Variants in ATP8B1 observed in about 807,000 individuals in gnomAD.
The protein encoded by ATP8B1 is phospholipid-transporting ATPase IC.
A neutral mutation model predicts 149.9 loss-of-function variants in ATP8B1; 80 were observed. That is an observed-to-expected ratio of 0.53 (90% CI 0.45 to 0.64). ATP8B1 has a LOEUF of 0.64. Among genes scored for constraint, ATP8B1 ranks in the 30% least tolerant of loss-of-function variants. The probability of loss-of-function intolerance (pLI) is 0.00; values close to 1 mark genes in which losing one functional copy is unlikely to be tolerated. For synonymous variants in ATP8B1, 536 were observed against 562.8 expected, an observed-to-expected ratio of 0.95 and a Z score of 0.67; for missense variants, 1,247 against 1,552.6, an observed-to-expected ratio of 0.80 and a Z score of 3.31.
intron 20 of ATP8B1, among the ~76,000 whole-genome samples, chr18:57,666,743 C>T (rs1307372465): frequency 1.3e-5 from 2 of 152,080 alleles, no homozygotes; most frequent in African/African-American, 4.8e-5. Flanking sequence ...ACCATGTTGG[C>T]CAGGCTGCTC....
At chr18:57,696,680 G>A (rs192143438) in intron 8 of ATP8B1, among the ~76,000 whole-genome samples, 17 of 152,262 alleles carry the variant, frequency 1.1e-4, no homozygotes, top group African/African-American at 3.9e-4. Context: ...AGCGTGAGGC[G>A]CGAGGAGCAG....
At chr18:57,756,305 A>ATATATATATATATATATATATATATATG (rs374550138) in intron 1 of ATP8B1, among the ~76,000 whole-genome samples, 50 of 106,104 alleles carry the variant, frequency 4.7e-4, no homozygotes, top group African/African-American at 1.8e-3. Context: ...GTGTATGTAT[A>ATATATATATATATATATATATATATATG]TATATATATA....
At chr18:57,718,955 A>T (rs2079610802) in intron 2 of ATP8B1, among the ~76,000 whole-genome samples, 1 of 152,226 alleles carries the variant, frequency 6.6e-6, no homozygotes, top group Non-Finnish European at 1.5e-5. Flanking sequence ...TTCCTCTTAG[A>T]TCTGGAACAT....
chr18:57,668,532 TC>T lies in ATP8B1; in HGVS notation c.2105del (p.Gly702GlufsTer41). The part of the protein sequence containing the change: ...EEIEKDLILL[G>X]ATAIEDKLQD... ...GTAGCTTGTCTTCAATAGCTGTAGC[TC>T]CCAGGAGCTAGAATGTATATTAAAA... is the stretch of plus-strand genomic sequence containing the variant. On this transcript the variant is annotated frameshift_variant, in exon 19 of 28. Coordinates refer to ENST00000648908, the MANE Select transcript of ATP8B1 (RefSeq NM_001374385.1). LOFTEE classifies it high-confidence loss of function. The T allele has an allele frequency of 9.1e-7, 1 of 1,098,860 alleles. No homozygotes were observed. The allele number at this position is 1,098,860 out of a possible 1,614,324, so 68.1% of individuals were successfully genotyped here.
Position 57,691,941 on chromosome 18 carries a change from C to T in ATP8B1, c.1086G>A (p.Trp362Ter), listed in dbSNP as rs1425903097. The T allele has an allele frequency of 6.2e-7, 1 of 1,613,934 alleles. No homozygotes were observed. The highest frequency in any genetic ancestry group is 1.3e-5 in the African/African-American group (1 of 74,852). The change falls in exon 12 of 28, where the codon TGG (tryptophan) becomes TGA (stop). Residue 362 changes from tryptophan (W) to a stop codon, truncating the protein, a stop_gained. Transcript: ENST00000648908. LOFTEE classifies it high-confidence loss of function. The stretch of plus-strand genomic sequence containing the variant: ...AAGAGGAATTGCCCACCTGTGCTTC[C>T]CAATAAGCATGGCCGATGGCAAGAC... The part of the protein sequence containing the change: ...SAGLAIGHAY[W>*]EAQVGNSSWY...
intron 1 of ATP8B1, among the ~76,000 whole-genome samples, chr18:57,753,074 AATAACTTCAAGAT>A (rs1439649944): frequency 6.6e-6 from 1 of 152,218 alleles, no homozygotes; most frequent in Non-Finnish European, 1.5e-5. Context: ...TCTAGATGAC[AATAACTTCAAGAT>A]AAGAGAGTAG....
chr18:57,661,232 G>A lies in ATP8B1; in HGVS notation c.2649C>T (p.Tyr883=). 6.2e-7 allele frequency: 1 copy of A among 1,614,036 alleles called. No individual in the cohort carries two copies. Among genetic ancestry groups the A allele is most frequent in the South Asian group, 1.1e-5 (1 of 91,084 alleles). The change falls in exon 22 of 28, where the codon TAC becomes TAT. Residue 883 remains tyrosine, a synonymous_variant. Coordinates refer to ENST00000648908, the MANE Select transcript of ATP8B1 (RefSeq NM_001374385.1). The stretch of plus-strand genomic sequence containing the variant: ...CGATGGCCAGCGTGATGGCTTTCTT[G>A]TACCTCTTCACCAGGTCCACCACCA... The part of the protein sequence containing the change: ...KAMVVDLVKR[Y]KKAITLAIGD...
chr18:57,721,001 T>A (rs2123070646), intron 2 of ATP8B1, among the ~76,000 whole-genome samples: 1 of 129,352 alleles, frequency 7.7e-6, no homozygotes, highest in South Asian at 2.7e-4. Context: ...AAACTAAGCT[T>A]CATAAGTGAA....
rs145285784 is a variant in ATP8B1 at position 57,686,046 on chromosome 18, G to A, written c.1430-931C>T. 1.9e-3 allele frequency among the ~76,000 whole-genome samples: 296 copies of A among 152,228 alleles called. 3 individuals are homozygous for A. The highest frequency in any genetic ancestry group is 6.7e-3 in the African/African-American group (279 of 41,550). ...ATGGATCACTTGAGGTCAGGGGTTCGATACCAGTCTGGTCAACATGGTGAA... is the reference window on the plus strand; with the variant it reads ...ATGGATCACTTGAGGTCAGGGGTTCAATACCAGTCTGGTCAACATGGTGAA... On this transcript the variant is annotated intron_variant, in intron 13 of 27. Coordinates refer to ENST00000648908, the MANE Select transcript of ATP8B1 (RefSeq NM_001374385.1).
intron 1 of ATP8B1, among the ~76,000 whole-genome samples, chr18:57,791,404 G>A (rs2080463654): frequency 7.3e-6 from 1 of 137,266 alleles, no homozygotes; most frequent in Non-Finnish European, 1.5e-5. Context: ...ATGGTGGAGT[G>A]CAGTGGTACA....
chr18:57,794,412 A>G (rs1281431052), intron 1 of ATP8B1, among the ~76,000 whole-genome samples: 1 of 149,868 alleles, frequency 6.7e-6, no homozygotes, highest in Admixed American at 6.7e-5. Flanking sequence ...TCTGTAACTG[A>G]CCTTTTGCCT....
Position 57,803,276 on chromosome 18 carries a change from G to T in ATP8B1, c.-304C>A, listed in dbSNP as rs975484454. Among the ~76,000 whole-genome samples the T allele has an allele frequency of 6.6e-6, 1 of 152,206 alleles. No individual in the cohort carries two copies. Among genetic ancestry groups the T allele is most frequent in the South Asian group, 2.1e-4 (1 of 4,834 alleles). On this transcript the variant is annotated 5_prime_UTR_variant, in exon 1 of 28. Transcript: ENST00000648908. ...CCGCCCTTTTGCCTCCGCTCCGCCG[G>T]ACCGGCCAAACTGGTTTCTCCGCTC...
chr18:57,781,175 A>G (rs1053084771), intron 1 of ATP8B1, among the ~76,000 whole-genome samples: 1 of 152,282 alleles, frequency 6.6e-6, no homozygotes, highest in African/African-American at 2.4e-5. Context: ...GGGAAGGGAT[A>G]AAACACAGGA....
intron 2 of ATP8B1, among the ~76,000 whole-genome samples, chr18:57,716,604 T>A (rs2079585867): frequency 6.6e-6 from 1 of 152,184 alleles, no homozygotes; most frequent in South Asian, 2.1e-4. Context: ...TATATAATGA[T>A]AAAGAGGTCA....
intron 1 of ATP8B1, among the ~76,000 whole-genome samples, chr18:57,790,914 G>C (rs1479536881): frequency 6.6e-6 from 1 of 152,072 alleles, no homozygotes; most frequent in Non-Finnish European, 1.5e-5. Flanking sequence ...TAGAGATGGG[G>C]TTTCACCATG....
rs1199493671 is a variant in ATP8B1 at position 57,787,497 on chromosome 18, A to G, written c.-26+15501T>C. 4.0e-5 allele frequency among the ~76,000 whole-genome samples: 6 copies of G among 151,866 alleles called. No individual in the cohort carries two copies. In the East Asian group the frequency reaches 1.2e-3, roughly 29 times the overall value. On this transcript the variant is annotated intron_variant, in intron 1 of 27. Transcript: ENST00000648908. ...TCTAGAACACTGCGGGAGGAGCTCC[A>G]TCTAGAACAATGCGGGTGGAGCTCC...
At chr18:57,683,749 A>G (rs1442082365) in intron 15 of ATP8B1, among the ~76,000 whole-genome samples, 1 of 152,232 alleles carries the variant, frequency 6.6e-6, no homozygotes, top group Non-Finnish European at 1.5e-5. Context: ...TTCTTCTATC[A>G]TAGTTCAAGT....
At chr18:57,756,232 C>A (rs1568056193) in intron 1 of ATP8B1, among the ~76,000 whole-genome samples, 2 of 104,330 alleles carry the variant, frequency 1.9e-5, no homozygotes, top group African/African-American at 8.0e-5. Flanking sequence ...CACACACACA[C>A]ACACATATAT....
chr18:57,695,400 G>T, intron 9 of ATP8B1, 50 bp downstream of exon 9: 1 of 1,591,036 alleles, frequency 6.3e-7, no homozygotes, highest in South Asian at 1.1e-5. Context: ...AATAGGAATT[G>T]AACCAAGCAA....
Sources: allele counts gnomAD v4.1 joint callset (sites outside exome capture counted in the v4.1 genomes callset), GRCh38; gene constraint gnomAD v4.1.1; transcripts MANE v1.5; gene names NCBI Gene and HGNC (gene_info 2026-07-23, HGNC 2026-07-21).